Variants in ANTXR2 observed in about 807,000 individuals in gnomAD.
ANTXR2 encodes the protein ANTXR cell adhesion molecule 2, also known as anthrax toxin receptor 2.
Under a neutral mutation model 73.7 loss-of-function variants are expected in ANTXR2, and 44 were observed. That is an observed-to-expected ratio of 0.60 (90% CI 0.47 to 0.77). The LOEUF is 0.77. Ranked by LOEUF, ANTXR2 falls within the 30% of genes least tolerant of loss-of-function variation. ANTXR2 has a pLI of 0.00. For synonymous variants in ANTXR2, 217 were observed against 205.9 expected, an observed-to-expected ratio of 1.05 and a Z score of -0.46; for missense variants, 604 against 592.5, an observed-to-expected ratio of 1.02 and a Z score of -0.20.
intron 16 of ANTXR2, among the ~76,000 whole-genome samples, chr4:79,946,425 G>GAGGTAA (rs1728515425): frequency 6.6e-6 from 1 of 152,176 alleles, no homozygotes; most frequent in Admixed American, 6.5e-5. Context: ...AGAGGTCTCA[G>GAGGTAA]CCAATCCCGG....
chr4:79,914,906 A>C (rs940914321), intron 16 of ANTXR2, among the ~76,000 whole-genome samples: 9 of 152,188 alleles, frequency 5.9e-5, no homozygotes, highest in Non-Finnish European at 1.0e-4. Context: ...CTCTGTGTGG[A>C]AACTTTATTC....
chr4:79,908,996 A>C (rs1727021971), intron 16 of ANTXR2, among the ~76,000 whole-genome samples: 1 of 152,202 alleles, frequency 6.6e-6, no homozygotes, highest in Admixed American at 6.6e-5. Context: ...GGAAAATGAC[A>C]TCATACATAA....
Position 79,919,862 on chromosome 4 carries a change from ATTTT to A in ANTXR2, c.1429-12399_1429-12396del, listed in dbSNP as rs1727501193. Among the ~76,000 whole-genome samples the A allele has an allele frequency of 1.6e-5, 2 of 121,536 alleles. 1 individual carries two copies. Among genetic ancestry groups the A allele is most frequent in the Non-Finnish European group, 3.4e-5 (2 of 59,218 alleles). The allele number at this position is 121,536 out of a possible 152,430, so 79.7% of individuals were successfully genotyped here. ...GTCCCTCTAGAGAATCCTAATACAT[ATTTT>A]ATATATATATATATATATATATATA... On this transcript the variant is annotated intron_variant, in intron 16 of 16. Coordinates refer to ENST00000403729, the MANE Select transcript of ANTXR2 (RefSeq NM_058172.6).
chr4:80,010,224 G>A (rs1203229336), intron 11 of ANTXR2, among the ~76,000 whole-genome samples: 1 of 152,136 alleles, frequency 6.6e-6, no homozygotes, highest in East Asian at 1.9e-4. Flanking sequence ...GAATAAATCA[G>A]CTACCGTCCA....
At chr4:79,994,993 ATGCT>A (rs1393123470) in intron 12 of ANTXR2, among the ~76,000 whole-genome samples, 1 of 151,890 alleles carries the variant, frequency 6.6e-6, no homozygotes, top group Non-Finnish European at 1.5e-5. Context: ...GATGATCCTG[ATGCT>A]TCCCCCAAAT....
intron 11 of ANTXR2, 98 bp downstream of exon 11, chr4:80,018,800 T>G (rs1732003779): frequency 1.0e-6 from 1 of 967,892 alleles, no homozygotes; most frequent in African/African-American, 1.8e-5. Context: ...ATTGTTTGCA[T>G]CTCCTTTATT....
intron 16 of ANTXR2, among the ~76,000 whole-genome samples, chr4:79,953,649 A>T (rs1728786244): frequency 6.6e-6 from 1 of 152,066 alleles, no homozygotes; most frequent in Admixed American, 6.5e-5. Context: ...TTAATATTTT[A>T]ATATTAAGAC....
chr4:79,983,777 ATAT>A (rs1729986765), intron 14 of ANTXR2, 98 bp downstream of exon 14: 1 of 899,558 alleles, frequency 1.1e-6, no homozygotes, highest in Non-Finnish European at 1.8e-6. Flanking sequence ...CAAATGGATG[ATAT>A]TATAATATTG....
chr4:79,976,547 A>G (rs1017402194), intron 16 of ANTXR2, among the ~76,000 whole-genome samples: 3 of 152,190 alleles, frequency 2.0e-5, no homozygotes, highest in African/African-American at 7.2e-5. Context: ...AAATGTCTGC[A>G]TGATCCACCC....
chr4:80,036,331 C>T (rs1009315202), intron 7 of ANTXR2, among the ~76,000 whole-genome samples: 2 of 152,076 alleles, frequency 1.3e-5, no homozygotes, highest in Non-Finnish European at 2.9e-5. Context: ...GAATAGATAA[C>T]TAAAATTTCC....
intron 16 of ANTXR2, among the ~76,000 whole-genome samples, chr4:79,919,084 A>T (rs2109940480): frequency 6.6e-6 from 1 of 152,292 alleles, no homozygotes; most frequent in African/African-American, 2.4e-5. Context: ...TAGAAGAAAA[A>T]AATTGTTAAT....
intron 16 of ANTXR2, among the ~76,000 whole-genome samples, chr4:79,928,655 A>G (rs1478477910): frequency 1.3e-5 from 2 of 152,280 alleles, no homozygotes; most frequent in African/African-American, 4.8e-5. Flanking sequence ...TATGCCAGTA[A>G]TAAGAATAGT....
intron 10 of ANTXR2, among the ~76,000 whole-genome samples, chr4:80,028,444 T>A (rs1043540245): frequency 6.6e-6 from 1 of 152,060 alleles, no homozygotes; most frequent in Admixed American, 6.6e-5. Flanking sequence ...GTGAAATTCA[T>A]GAAATAACAT....
At chr4:79,914,279 G>A (rs1455997701) in intron 16 of ANTXR2, among the ~76,000 whole-genome samples, 1 of 152,044 alleles carries the variant, frequency 6.6e-6, no homozygotes, top group Non-Finnish European at 1.5e-5. Context: ...TGGCTTTTAG[G>A]AAGCTCAGAT....
chr4:80,000,210 G>A (rs971472155), intron 12 of ANTXR2, among the ~76,000 whole-genome samples: 3 of 151,806 alleles, frequency 2.0e-5, no homozygotes, highest in Non-Finnish European at 4.4e-5. Flanking sequence ...TTGTATCTTA[G>A]TTCCTACTAA....
intron 16 of ANTXR2, among the ~76,000 whole-genome samples, chr4:79,910,523 GA>G (rs1727089359): frequency 1.5e-5 from 1 of 68,620 alleles, no homozygotes; most frequent in Admixed American, 1.5e-4. Context: ...AAAAAAAAAA[GA>G]AAAAAAAGAA....
intron 7 of ANTXR2, among the ~76,000 whole-genome samples, chr4:80,043,765 C>T (rs1391865503): frequency 1.3e-5 from 2 of 151,960 alleles, no homozygotes; most frequent in Non-Finnish European, 2.9e-5. Context: ...TGCCTGCTGG[C>T]CTCCTTGAGA....
chr4:80,033,267 TTTA>T (rs1334481583), intron 9 of ANTXR2, among the ~76,000 whole-genome samples: 3 of 152,010 alleles, frequency 2.0e-5, no homozygotes, highest in Non-Finnish European at 2.9e-5. Context: ...GGGTCCAGCA[TTTA>T]TTAAGTTATA....
chr4:79,936,046 GAATT>G (rs1728246064), intron 16 of ANTXR2, among the ~76,000 whole-genome samples: 1 of 152,200 alleles, frequency 6.6e-6, no homozygotes, highest in African/African-American at 2.4e-5. Flanking sequence ...TAAAAAAATG[GAATT>G]AATTAGGATT....
Sources: gnomAD v4.1 joint callset for allele counts (sites outside exome capture counted in the v4.1 genomes callset) on GRCh38, gnomAD v4.1.1 for gene constraint, MANE v1.5 for transcripts, NCBI Gene and HGNC (gene_info 2026-07-23, HGNC 2026-07-21) for gene names.